NBAS: variants seen among roughly 807,000 people sequenced by gnomAD.
NBAS encodes NAG/BC035112 fusion.
Under a neutral mutation model 302.5 loss-of-function variants are expected in NBAS, and 219 were observed. The ratio of observed to expected loss-of-function variants is 0.72; its 90% confidence interval spans 0.65 to 0.81. NBAS has a LOEUF of 0.81. Ranked by LOEUF, NBAS falls within the 30% of genes least tolerant of loss-of-function variation. The pLI is 0.00. For missense variants in NBAS, 2,932 were observed against 2,841.6 expected (o/e 1.03, Z -0.72); for synonymous variants, 1,118 against 1,021.6 (o/e 1.09, Z -1.80).
At chr2:14,881,719 C>T in the NBAS span, among the ~76,000 whole-genome samples, 1 of 152,168 alleles carries the variant, frequency 6.6e-6, no homozygotes, top group Non-Finnish European at 1.5e-5. Context: ...TGGAACACAG[C>T]CACCCTATTC....
chr2:15,383,222 C>G lies in NBAS; in HGVS notation c.3353G>C (p.Cys1118Ser). ...NVYTCLDSDA[C>S]YEIFTESLLC... is the part of the protein sequence containing the mutation. The stretch of plus-strand genomic sequence containing the variant: ...ATATGGTTCTAGAGTTACCTCATAG[C>G]AGGCATCAGAATCTAGACATGTGTA... The change falls in exon 29 of 52, where the codon TGC becomes TCC. Residue 1118 changes from cysteine to serine, a missense_variant. By Grantham distance (112) the Cys-to-Ser change is moderately radical (BLOSUM62 -1). Coordinates refer to ENST00000281513, the MANE Select transcript of NBAS (RefSeq NM_015909.4). 6.2e-7 allele frequency: 1 copy of G among 1,612,952 alleles called. No individual in the cohort carries two copies. Among genetic ancestry groups the G allele is most frequent in the Non-Finnish European group, 8.5e-7 (1 of 1,179,132 alleles).
At chr2:15,057,314 G>GAAAAA in the NBAS span, among the ~76,000 whole-genome samples, 1,868 of 135,808 alleles carry the variant, frequency 0.014, 57 homozygotes, top group African/African-American at 0.046. Context: ...ACAGAAATTT[G>GAAAAA]AAAAAAAAAA....
At chr2:14,784,008 C>G in the NBAS span, among the ~76,000 whole-genome samples, 1 of 152,072 alleles carries the variant, frequency 6.6e-6, no homozygotes, top group African/African-American at 2.4e-5. Context: ...TTAATGATTG[C>G]CACTCTAACT....
the NBAS span, among the ~76,000 whole-genome samples, chr2:14,972,091 A>C: frequency 3.9e-5 from 6 of 152,342 alleles, no homozygotes; most frequent in East Asian, 9.6e-4. Flanking sequence ...AAAATGTGGT[A>C]CACATACACC....
the NBAS span, among the ~76,000 whole-genome samples, chr2:15,115,732 T>C: frequency 6.6e-6 from 1 of 152,096 alleles, no homozygotes; most frequent in East Asian, 1.9e-4. Context: ...AGCATGTTTT[T>C]GAACTCCTGG....
At chr2:15,059,147 A>G in the NBAS span, among the ~76,000 whole-genome samples, 1 of 152,152 alleles carries the variant, frequency 6.6e-6, no homozygotes, top group African/African-American at 2.4e-5. Flanking sequence ...TTTCACTTCT[A>G]TATCTTGCAG....
chr2:15,424,173 A>C, intron 23 of NBAS, 142 bp downstream of exon 23: 1 of 1,070,500 alleles, frequency 9.3e-7, no homozygotes, highest in Non-Finnish European at 1.4e-6. Context: ...CAGGATAACA[A>C]AGAAATAAAT....
intron 7 of NBAS, among the ~76,000 whole-genome samples, chr2:15,538,560 G>A (rs73202765): frequency 1.3e-5 from 2 of 152,082 alleles, no homozygotes; most frequent in Non-Finnish European, 2.9e-5. Context: ...AGCTCCCCAG[G>A]TGATTCTAAG....
intron 50 of NBAS, among the ~76,000 whole-genome samples, chr2:15,183,376 A>C (rs907682254): frequency 2.0e-5 from 3 of 152,226 alleles, no homozygotes; most frequent in African/African-American, 4.8e-5. Context: ...GTGACAACAG[A>C]ACTCTTTGAA....
intron 47 of NBAS, among the ~76,000 whole-genome samples, chr2:15,222,146 C>A (rs1381918702): frequency 6.6e-6 from 1 of 152,080 alleles, no homozygotes; most frequent in Non-Finnish European, 1.5e-5. Flanking sequence ...TAAAAGCAAC[C>A]ATTATTATTA....
the NBAS span, among the ~76,000 whole-genome samples, chr2:14,834,049 C>T: frequency 3.3e-5 from 5 of 152,034 alleles, no homozygotes; most frequent in African/African-American, 7.2e-5. Context: ...TATAAGTTAG[C>T]GATCATGACT....
chr2:15,455,146 G>A (rs757488313), intron 21 of NBAS, among the ~76,000 whole-genome samples: 11 of 152,040 alleles, frequency 7.2e-5, no homozygotes, highest in Admixed American at 1.3e-4. Flanking sequence ...CAGGTGATCC[G>A]CCCACCTTGG....
the NBAS span, among the ~76,000 whole-genome samples, chr2:14,966,015 G>GA: frequency 2.0e-5 from 3 of 152,160 alleles, no homozygotes; most frequent in African/African-American, 7.2e-5. Context: ...CAGAGATAAA[G>GA]AGACACAAGA....
the NBAS span, among the ~76,000 whole-genome samples, chr2:15,076,901 C>G: frequency 7.0e-4 from 107 of 152,318 alleles, no homozygotes; most frequent in African/African-American, 2.4e-3. Flanking sequence ...ATAATTCAAA[C>G]AAGCAAGAAT....
intron 6 of NBAS, among the ~76,000 whole-genome samples, chr2:15,547,122 G>C (rs1432436147): frequency 6.6e-6 from 1 of 152,180 alleles, no homozygotes; most frequent in Non-Finnish European, 1.5e-5. Flanking sequence ...GCCTAACAGA[G>C]CCAAAACAAG....
At chr2:14,960,026 T>A in the NBAS span, among the ~76,000 whole-genome samples, 1 of 152,224 alleles carries the variant, frequency 6.6e-6, no homozygotes, top group Non-Finnish European at 1.5e-5. Flanking sequence ...GGAAATGACG[T>A]TTCTTTTACC....
At chr2:15,198,573 T>G (rs749595807) in intron 48 of NBAS, among the ~76,000 whole-genome samples, 7 of 152,138 alleles carry the variant, frequency 4.6e-5, no homozygotes, top group African/African-American at 9.7e-5. Context: ...TAAAGTGTGC[T>G]GGGGCCAGAA....
chr2:15,436,170 A>C (rs141873743), intron 21 of NBAS, among the ~76,000 whole-genome samples: 14 of 152,348 alleles, frequency 9.2e-5, no homozygotes, highest in African/African-American at 3.1e-4. Context: ...AACTAGAAAG[A>C]CAAGATCAAA....
At chr2:14,967,263 A>G in the NBAS span, among the ~76,000 whole-genome samples, 4 of 152,006 alleles carry the variant, frequency 2.6e-5, no homozygotes, top group Non-Finnish European at 4.4e-5. Context: ...CAATCAAACT[A>G]CTAGCAGAAT....
Sources: gnomAD v4.1 joint callset for allele counts (sites outside exome capture counted in the v4.1 genomes callset) on GRCh38, gnomAD v4.1.1 for gene constraint, MANE v1.5 for transcripts, NCBI Gene and HGNC (gene_info 2026-07-23, HGNC 2026-07-21) for gene names.